The following IL34 variants were observed in gnomAD, a reference collection of about 807,000 sequenced individuals.
IL34 encodes the protein interleukin-34.
IL34 carries 17 observed loss-of-function variants against 25.3 expected under a neutral mutation model. The observed-to-expected ratio is 0.67, with a 90% confidence interval of 0.46 to 1.01. The LOEUF (loss-of-function observed/expected upper bound fraction) is 1.01. Among genes scored for constraint, IL34 ranks in the 50% least tolerant of loss-of-function variants. IL34 has a pLI of 0.00. For missense variants in IL34, 368 were observed against 312.9 expected, an observed-to-expected ratio of 1.18 and a Z score of -1.33; for synonymous variants, 174 against 140.9, an observed-to-expected ratio of 1.23 and a Z score of -1.66.
chr16:70,606,981 G>A (rs1476257883), intron 1 of IL34, among the ~76,000 whole-genome samples: 2 of 152,124 alleles, frequency 1.3e-5, no homozygotes. Context: ...GTTGTTTCCA[G>A]CTTTTGGTGC....
upstream of IL34, among the ~76,000 whole-genome samples, chr16:70,645,747 C>A (rs1217158104): frequency 6.6e-6 from 1 of 152,166 alleles, no homozygotes; most frequent in Non-Finnish European, 1.5e-5. Context: ...GTGAGAGATT[C>A]AGTGAATGTA....
intron 1 of IL34, among the ~76,000 whole-genome samples, chr16:70,605,333 TAA>T (rs999681645): frequency 2.0e-5 from 3 of 152,220 alleles, no homozygotes; most frequent in African/African-American, 7.2e-5. Flanking sequence ...TTCAAATTTT[TAA>T]ATAACTTTTT....
chr16:70,630,628 G>C lies in IL34; in HGVS notation c.-400-15920G>C, dbSNP rs539712044. 2.7e-5 allele frequency among the ~76,000 whole-genome samples: 4 copies of C among 148,812 alleles called. No individual in the cohort carries two copies. The East Asian group carries it at 8.0e-4, about 30-fold the overall frequency. On this transcript the variant is annotated intron_variant, in intron 1 of 6. Coordinates refer to the IL34 transcript ENST00000429149. ...GGGTCTCATTCTGTCACCCAGGCAT[G>C]ATCAGTGCAATCATGGCTCACTGCA...
chr16:70,582,087 G>C (rs992464834), intron 1 of IL34, among the ~76,000 whole-genome samples: 1 of 152,188 alleles, frequency 6.6e-6, no homozygotes. Context: ...AAATTGATAA[G>C]GTCAAGTACA....
At chr16:70,645,275 C>T (rs989125608), upstream of IL34, among the ~76,000 whole-genome samples, 20 of 152,242 alleles carry the variant, frequency 1.3e-4, no homozygotes, top group Middle Eastern at 3.4e-3. Flanking sequence ...TTGAACAACC[C>T]GTGTTCTCTC....
chr16:70,582,506 G>C (rs2050647080), intron 1 of IL34, among the ~76,000 whole-genome samples: 2 of 152,254 alleles, frequency 1.3e-5, no homozygotes, highest in South Asian at 4.1e-4. Context: ...TGTGGGCAGT[G>C]ACTGGACCTC....
intron 1 of IL34, among the ~76,000 whole-genome samples, chr16:70,653,620 T>C (rs762800664): frequency 1.3e-4 from 20 of 151,994 alleles, no homozygotes; most frequent in Non-Finnish European, 4.4e-5. Context: ...ATCGCTTGAG[T>C]CTGGGAGTTC....
intron 1 of IL34, among the ~76,000 whole-genome samples, chr16:70,580,830 C>CA (rs2050628871): frequency 6.6e-6 from 1 of 150,390 alleles, no homozygotes; most frequent in Non-Finnish European, 1.5e-5. Context: ...AGGAAAGAGG[C>CA]AAAAAAGTCA....
At chr16:70,584,036 C>T (rs2050664177) in intron 1 of IL34, among the ~76,000 whole-genome samples, 1 of 152,218 alleles carries the variant, frequency 6.6e-6, no homozygotes, top group East Asian at 1.9e-4. Flanking sequence ...TCCCCTGCCC[C>T]CAAGGCAATA....
intron 1 of IL34, among the ~76,000 whole-genome samples, chr16:70,601,105 G>A (rs1474551092): frequency 6.6e-6 from 1 of 151,976 alleles, no homozygotes; most frequent in Non-Finnish European, 1.5e-5. Flanking sequence ...GGAGAGATAA[G>A]GAATGCTGAG....
intron 1 of IL34, among the ~76,000 whole-genome samples, chr16:70,637,047 A>G (rs773516813): frequency 2.0e-4 from 30 of 151,762 alleles, no homozygotes; most frequent in Non-Finnish European, 1.8e-4. Flanking sequence ...TTTTTAGTAG[A>G]GACGGGGTTT....
chr16:70,592,100 C>T (rs1267245814), intron 1 of IL34, among the ~76,000 whole-genome samples: 1 of 151,944 alleles, frequency 6.6e-6, no homozygotes, highest in Non-Finnish European at 1.5e-5. Flanking sequence ...CCACCTGCTC[C>T]AGGTTCATTC....
chr16:70,610,343 C>T (rs1229812063), intron 1 of IL34, among the ~76,000 whole-genome samples: 6 of 152,154 alleles, frequency 3.9e-5, no homozygotes, highest in African/African-American at 1.4e-4. Context: ...TGCCTGTTTT[C>T]CTCCAGCGTC....
intron 1 of IL34, among the ~76,000 whole-genome samples, chr16:70,594,202 T>C (rs547374652): frequency 6.6e-6 from 1 of 151,312 alleles, no homozygotes; most frequent in African/African-American, 2.4e-5. Context: ...ATCTACAAAG[T>C]TGGGGAGAAC....
intron 1 of IL34, among the ~76,000 whole-genome samples, chr16:70,637,823 A>C (rs2051690910): frequency 6.6e-6 from 1 of 152,136 alleles, no homozygotes; most frequent in Non-Finnish European, 1.5e-5. Flanking sequence ...TGCAAGGATA[A>C]AAAGGTATAA....
At chr16:70,655,414 G>C (rs1597781766) in intron 2 of IL34, among the ~76,000 whole-genome samples, 1 of 150,010 alleles carries the variant, frequency 6.7e-6, no homozygotes, top group Non-Finnish European at 1.5e-5. Context: ...TTTGAGACAG[G>C]GTCTTGCTCT....
rs1717919870 is a variant in IL34, at chr16:70,660,090, A to G, written c.632A>G (p.Gln211Arg). 6.2e-7 allele frequency: 1 copy of G among 1,613,394 alleles called. No homozygotes were observed. The highest frequency in any genetic ancestry group is 2.2e-5 in the East Asian group (1 of 44,828). The change falls in exon 6 of 6, where the codon CAG becomes CGG. Residue 211 changes from glutamine to arginine, a missense_variant. By Grantham distance (43) the Gln-to-Arg change is conservative (BLOSUM62 1). Transcript: ENST00000288098. ...CCCTCATTGCAGTATGCGGCCACCC[A>G]GCTGTACCCTCCGCCCCCGTGGTCC... ...PEPSLQYAAT[Q>R]LYPPPPWSPS...
intron 1 of IL34, among the ~76,000 whole-genome samples, chr16:70,635,921 A>G (rs1298233395): frequency 6.6e-6 from 1 of 152,176 alleles, no homozygotes; most frequent in Non-Finnish European, 1.5e-5. Context: ...TCTCATATCA[A>G]GCCCATTTTA....
chr16:70,611,364 C>G (rs1348380470), intron 1 of IL34, among the ~76,000 whole-genome samples: 2 of 152,130 alleles, frequency 1.3e-5, no homozygotes, highest in Non-Finnish European at 2.9e-5. Context: ...GTGTCCTTCT[C>G]CCCGCCACCT....
Sources: gnomAD v4.1 joint callset for allele counts (sites outside exome capture counted in the v4.1 genomes callset) on GRCh38, gnomAD v4.1.1 for gene constraint, MANE v1.5 for transcripts, NCBI Gene and HGNC (gene_info 2026-07-23, HGNC 2026-07-21) for gene names.